Variants in CBLB observed in about 807,000 individuals in gnomAD.
The protein encoded by CBLB is Cbl proto-oncogene B.
In CBLB, 31 loss-of-function variants were observed where a neutral mutation model predicts 104.9. The observed-to-expected ratio is 0.30, with a 90% confidence interval of 0.22 to 0.40. The LOEUF is 0.40. Ranked by LOEUF, CBLB falls within the 10% of genes least tolerant of loss-of-function variation. The probability of loss-of-function intolerance (pLI) is 1.00; values close to 1 mark genes in which losing one functional copy is unlikely to be tolerated. For missense variants in CBLB, 1,062 were observed against 1,214.6 expected, an observed-to-expected ratio of 0.87 and a Z score of 1.87; for synonymous variants, 440 against 422.6, an observed-to-expected ratio of 1.04 and a Z score of -0.51.
chr3:105,805,163 C>A (rs1028668051), intron 3 of CBLB, among the ~76,000 whole-genome samples: 11 of 152,094 alleles, frequency 7.2e-5, no homozygotes, highest in African/African-American at 2.7e-4. Flanking sequence ...CTTCATTTAC[C>A]TCCTGAAATA....
chr3:105,852,945 G>A (rs190586105), intron 3 of CBLB, among the ~76,000 whole-genome samples: 171 of 152,092 alleles, frequency 1.1e-3, no homozygotes, highest in African/African-American at 4.0e-3. Context: ...TCGAACTCCC[G>A]ACCTCAAGTG....
chr3:105,740,098 T>C (rs556802867), intron 7 of CBLB, among the ~76,000 whole-genome samples: 608 of 11,632 alleles, frequency 0.052, 2 homozygotes, highest in Non-Finnish European at 0.097. Flanking sequence ...TTAGACTCCA[T>C]CTCAAAAAAA....
chr3:105,775,965 T>C (rs193089119), intron 4 of CBLB, among the ~76,000 whole-genome samples: 1 of 152,302 alleles, frequency 6.6e-6, no homozygotes, highest in Non-Finnish European at 1.5e-5. Context: ...CAGGAAGCAG[T>C]CCCTGATCAC....
At chr3:105,750,465 AATG>A (rs1287770525) in intron 5 of CBLB, among the ~76,000 whole-genome samples, 1 of 152,220 alleles carries the variant, frequency 6.6e-6, no homozygotes, top group Non-Finnish European at 1.5e-5. Context: ...TTCAGATTAA[AATG>A]ATAAAAAATA....
At chr3:105,840,960 C>T (rs1395376004) in intron 3 of CBLB, among the ~76,000 whole-genome samples, 1 of 151,790 alleles carries the variant, frequency 6.6e-6, no homozygotes, top group Admixed American at 6.6e-5. Context: ...ACTGTTCCTT[C>T]TTTAATTATT....
At chr3:105,814,296 A>T (rs2084715331) in intron 3 of CBLB, among the ~76,000 whole-genome samples, 2 of 152,202 alleles carry the variant, frequency 1.3e-5, no homozygotes, top group South Asian at 4.1e-4. Context: ...AGATAAGAGG[A>T]TTTATCAATA....
intron 3 of CBLB, among the ~76,000 whole-genome samples, chr3:105,815,637 G>T (rs539533764): frequency 6.6e-6 from 1 of 152,294 alleles, no homozygotes; most frequent in South Asian, 2.1e-4. Context: ...AAGACAGTGT[G>T]GCGATTCCTC....
intron 3 of CBLB, among the ~76,000 whole-genome samples, chr3:105,838,115 C>T (rs1414693047): frequency 7.3e-6 from 1 of 136,364 alleles, no homozygotes; most frequent in Non-Finnish European, 1.5e-5. Context: ...CACGTTCTCA[C>T]TCTGTCACCC....
In CBLB at chr3:105,803,089, T is replaced by A. The variant is rs150116676; in HGVS notation, c.420-26547A>T. 2.4e-4 allele frequency among the ~76,000 whole-genome samples: 37 copies of A among 152,328 alleles called. No individual in the cohort carries two copies. In the East Asian group the frequency reaches 4.6e-3, roughly 19 times the overall value. ...AAGTGCTCATTATAAATAGCACTCA[T>A]GCATAGTCATTTTATGTACAAATTT... On this transcript the variant is annotated intron_variant, in intron 3 of 18. Coordinates refer to ENST00000394030, the MANE Select transcript of CBLB (RefSeq NM_170662.5).
At chr3:105,761,888 G>A (rs1053841147) in intron 4 of CBLB, among the ~76,000 whole-genome samples, 11 of 152,114 alleles carry the variant, frequency 7.2e-5, no homozygotes, top group South Asian at 4.1e-4. Context: ...TGGTTTTGAC[G>A]AAAATGCTGA....
At chr3:105,861,718 C>T (rs897598902) in intron 2 of CBLB, among the ~76,000 whole-genome samples, 1 of 151,390 alleles carries the variant, frequency 6.6e-6, no homozygotes, top group East Asian at 1.9e-4. Flanking sequence ...TACATACACA[C>T]ACACACACAC....
At chr3:105,705,051 C>CT (rs1388787056) in intron 10 of CBLB, among the ~76,000 whole-genome samples, 2 of 152,162 alleles carry the variant, frequency 1.3e-5, no homozygotes, top group African/African-American at 2.4e-5. Flanking sequence ...GTTTCCAAGT[C>CT]TAAGTTACTA....
chr3:105,694,551 C>A (rs1271972951), intron 12 of CBLB, among the ~76,000 whole-genome samples: 3 of 151,770 alleles, frequency 2.0e-5, no homozygotes, highest in Non-Finnish European at 4.4e-5. Context: ...CAAGGACTTA[C>A]CAATTACTTT....
chr3:105,806,479 C>CAAAAAAAAAAA (rs367966052), intron 3 of CBLB, among the ~76,000 whole-genome samples: 1 of 125,058 alleles, frequency 8.0e-6, no homozygotes. Context: ...ACTAAAACCT[C>CAAAAAAAAAAA]AAAAAAAAAA....
intron 4 of CBLB, 29 bp from the exon 5 acceptor site, chr3:105,751,647 A>G (rs765332605): frequency 6.3e-7 from 1 of 1,590,476 alleles, no homozygotes; most frequent in South Asian, 1.1e-5. Context: ...AAGGGAAATA[A>G]TTGAATCAAG....
chr3:105,671,720 C>G (rs1346976262), intron 17 of CBLB: 4 of 201,850 alleles, frequency 2.0e-5, no homozygotes, highest in Non-Finnish European at 4.1e-5. Context: ...AAGCCATTAT[C>G]TTTTCACCTT....
intron 9 of CBLB, among the ~76,000 whole-genome samples, chr3:105,726,952 T>C (rs1397513842): frequency 1.3e-5 from 2 of 152,240 alleles, no homozygotes; most frequent in Non-Finnish European, 2.9e-5. Flanking sequence ...CAGTCTATCA[T>C]AGATGGACAT....
chr3:105,688,531 A>T (rs2152745190), intron 13 of CBLB, among the ~76,000 whole-genome samples: 1 of 152,200 alleles, frequency 6.6e-6, no homozygotes, highest in African/African-American at 2.4e-5. Context: ...ACATATAAGA[A>T]TCTATCTTCC....
At chr3:105,702,540 T>G (rs1056709604) in intron 11 of CBLB, 81 bp from the exon 12 acceptor site, 467 of 1,367,524 alleles carry the variant, frequency 3.4e-4, no homozygotes, top group Non-Finnish European at 4.3e-4. Context: ...TCCAAACTAG[T>G]GTATTATTGC....
Sources: gnomAD v4.1 joint callset for allele counts (sites outside exome capture counted in the v4.1 genomes callset) on GRCh38, gnomAD v4.1.1 for gene constraint, MANE v1.5 for transcripts, NCBI Gene and HGNC (gene_info 2026-07-23, HGNC 2026-07-21) for gene names.